Variants in XPO4 observed in about 807,000 individuals in gnomAD.
The protein encoded by XPO4 is exportin 4, also known as exportin-4.
Under a neutral mutation model 143.0 loss-of-function variants are expected in XPO4, and 39 were observed. The ratio of observed to expected loss-of-function variants is 0.27; its 90% CI spans 0.21 to 0.36. XPO4 has a LOEUF of 0.36. XPO4 is among the 10% of genes least tolerant of loss of function. The pLI is 1.00. For synonymous variants in XPO4, 439 were observed against 474.0 expected (o/e 0.93, Z 0.96); for missense variants, 907 against 1,348.0 (o/e 0.67, Z 5.12).
intron 3 of XPO4, among the ~76,000 whole-genome samples, chr13:20,860,624 G>T (rs2060188320): frequency 1.3e-5 from 2 of 152,004 alleles, no homozygotes; most frequent in Non-Finnish European, 2.9e-5. Flanking sequence ...TGTACAGAGG[G>T]GTCAAAAGAC....
chr13:20,822,366 G>GT (rs1364342933), intron 7 of XPO4, 77 bp from the exon 8 acceptor site: 1 of 1,296,744 alleles, frequency 7.7e-7, no homozygotes, highest in Admixed American at 2.6e-5. Context: ...GCCGAATGAG[G>GT]TAAGACAAAA....
intron 6 of XPO4, among the ~76,000 whole-genome samples, chr13:20,836,429 G>A (rs1441074351): frequency 1.3e-5 from 2 of 152,010 alleles, no homozygotes; most frequent in Non-Finnish European, 2.9e-5. Context: ...GTCTTAATTG[G>A]CTTTCTTATT....
At chr13:20,849,971 T>A in intron 4 of XPO4, 1 of 538,886 alleles carries the variant, frequency 1.9e-6, no homozygotes. Context: ...CCGGGCATAG[T>A]GGCATGCGCC....
intron 9 of XPO4, among the ~76,000 whole-genome samples, chr13:20,813,183 A>G (rs1221573626): frequency 6.6e-6 from 1 of 151,714 alleles, no homozygotes; most frequent in Non-Finnish European, 1.5e-5. Context: ...CCATAATCCA[A>G]TCACCCCCCA....
intron 9 of XPO4, among the ~76,000 whole-genome samples, chr13:20,820,648 C>T (rs922799453): frequency 1.3e-5 from 2 of 152,162 alleles, no homozygotes; most frequent in Admixed American, 6.5e-5. Context: ...TTCAACTGTA[C>T]ATATCATGCC....
At chr13:20,838,836 C>T (rs1024201798) in intron 6 of XPO4, among the ~76,000 whole-genome samples, 3 of 151,944 alleles carry the variant, frequency 2.0e-5, no homozygotes, top group Admixed American at 6.6e-5. Context: ...TGGAAACAAC[C>T]CAACTGTCCA....
At chr13:20,808,366 T>A in intron 12 of XPO4, 70 bp downstream of exon 12, 1 of 1,415,184 alleles carries the variant, frequency 7.1e-7, no homozygotes, top group Non-Finnish European at 9.4e-7. Flanking sequence ...GTTTTTCATA[T>A]AGGAAGCTTC....
intron 9 of XPO4, among the ~76,000 whole-genome samples, chr13:20,810,391 C>T (rs532648642): frequency 1.3e-5 from 2 of 152,180 alleles, no homozygotes; most frequent in Non-Finnish European, 2.9e-5. Context: ...CAAGAAATAA[C>T]TCATAATAAA....
At chr13:20,853,293 T>C (rs1042706241) in intron 4 of XPO4, among the ~76,000 whole-genome samples, 9 of 135,136 alleles carry the variant, frequency 6.7e-5, no homozygotes, top group Non-Finnish European at 1.2e-4. Flanking sequence ...ATCATATCAC[T>C]GCACTCCACA....
At chr13:20,820,699 T>TA (rs2059708298) in intron 9 of XPO4, among the ~76,000 whole-genome samples, 1 of 152,206 alleles carries the variant, frequency 6.6e-6, no homozygotes, top group Non-Finnish European at 1.5e-5. Context: ...TTCTCTACCG[T>TA]ATAAACACTT....
chr13:20,816,029 C>T (rs1171600263), intron 9 of XPO4, among the ~76,000 whole-genome samples: 1 of 152,154 alleles, frequency 6.6e-6, no homozygotes, highest in Non-Finnish European at 1.5e-5. Context: ...TCTTAATCTG[C>T]GTGGTTGATA....
intron 6 of XPO4, among the ~76,000 whole-genome samples, chr13:20,829,595 C>G (rs943712561): frequency 6.6e-6 from 1 of 152,154 alleles, no homozygotes; most frequent in Non-Finnish European, 1.5e-5. Context: ...CCAAACCTCC[C>G]TTCAAGAGCT....
chr13:20,897,580 T>C (rs2060581689), intron 1 of XPO4, among the ~76,000 whole-genome samples: 1 of 152,198 alleles, frequency 6.6e-6, no homozygotes, highest in Admixed American at 6.5e-5. Flanking sequence ...AAGGTGCTTC[T>C]TCTGTCTCCT....
chr13:20,855,461 GAA>G (rs66665772), intron 4 of XPO4, among the ~76,000 whole-genome samples, 164 bp downstream of exon 4: 9 of 122,580 alleles, frequency 7.3e-5, no homozygotes, highest in Non-Finnish European at 7.2e-5. Flanking sequence ...TGTCACAAGG[GAA>G]AAAAAAAAAA....
chr13:20,860,574 A>G (rs2060187614), intron 3 of XPO4, among the ~76,000 whole-genome samples: 3 of 152,224 alleles, frequency 2.0e-5, no homozygotes, highest in African/African-American at 7.2e-5. Flanking sequence ...ACTTGCTGAC[A>G]TTGTCAAGAC....
intron 4 of XPO4, among the ~76,000 whole-genome samples, chr13:20,846,860 A>T (rs2060034296): frequency 1.3e-5 from 2 of 152,170 alleles, no homozygotes; most frequent in African/African-American, 4.8e-5. Context: ...AAAAGAAAAA[A>T]ATTTAAAAAC....
intron 4 of XPO4, chr13:20,852,288 T>C: frequency 1.3e-5 from 13 of 985,444 alleles, no homozygotes; most frequent in Non-Finnish European, 1.6e-5. Flanking sequence ...AAGATGTTCT[T>C]AAGTGAAATC....
intron 6 of XPO4, among the ~76,000 whole-genome samples, chr13:20,830,084 T>G (rs1008134435): frequency 2.6e-5 from 4 of 152,164 alleles, no homozygotes; most frequent in African/African-American, 9.7e-5. Flanking sequence ...AACCCTGAAA[T>G]CTGATTTTTT....
rs376539989 is a variant in XPO4, at chr13:20,833,070, A to G, written c.728-5891T>C. ...TTGTTACAAAATGATATTGTCATTT[A>G]TGATTAGCATTGCCAAAACCCTTAA... On this transcript the variant is annotated intron_variant, in intron 6 of 22. Transcript: ENST00000255305. 2.0e-5 allele frequency among the ~76,000 whole-genome samples: 3 copies of G among 152,220 alleles called. No homozygotes were observed. In the South Asian group the frequency reaches 6.2e-4, roughly 32 times the overall value.
Sources: gnomAD v4.1 joint callset for allele counts (sites outside exome capture counted in the v4.1 genomes callset) on GRCh38, gnomAD v4.1.1 for gene constraint, MANE v1.5 for transcripts, NCBI Gene and HGNC (gene_info 2026-07-23, HGNC 2026-07-21) for gene names.